TBC1D5: variants seen among roughly 807,000 people sequenced by gnomAD.
TBC1D5 encodes the protein TBC1 domain family member 5.
Under a neutral mutation model 100.3 loss-of-function variants are expected in TBC1D5, and 75 were observed. That is an observed-to-expected ratio of 0.75 (90% CI 0.62 to 0.91). TBC1D5 has a LOEUF of 0.91. Among genes scored for constraint, TBC1D5 ranks in the 40% least tolerant of loss-of-function variants. TBC1D5 has a pLI of 0.00. For synonymous variants in TBC1D5, 323 were observed against 325.6 expected (o/e 0.99, Z 0.09); for missense variants, 910 against 942.4 (o/e 0.97, Z 0.45).
rs558470160 is a variant in TBC1D5 at position 17,449,888 on chromosome 3, A to G, written c.98-21369T>C. Among the ~76,000 whole-genome samples, 32 of 152,298 alleles carry G rather than the reference A, an allele frequency of 2.1e-4. No homozygotes were observed. In the East Asian group the frequency reaches 2.9e-3, roughly 14 times the overall value. ...GCGAATGCTCAAGCTCTGCTAAGGG[A>G]CAGACTGCCTCCTCAAGTGGGTCCC... On this transcript the variant is annotated intron_variant, in intron 3 of 21. Coordinates refer to ENST00000253692, the Ensembl canonical transcript of TBC1D5.
chr3:17,489,235 G>A (rs999593504), intron 3 of TBC1D5, among the ~76,000 whole-genome samples: 3 of 151,978 alleles, frequency 2.0e-5, no homozygotes, highest in Non-Finnish European at 2.9e-5. Flanking sequence ...AAGTCACAAT[G>A]CTATTTTTAA....
intron 15 of TBC1D5, among the ~76,000 whole-genome samples, chr3:17,263,077 A>C (rs1309898171): frequency 4.6e-5 from 7 of 151,902 alleles, no homozygotes; most frequent in African/African-American, 1.7e-4. Flanking sequence ...AAAATAAAAA[A>C]AATTAGCTGG....
intron 13 of TBC1D5, among the ~76,000 whole-genome samples, chr3:17,335,692 G>C (rs961469861): frequency 6.6e-6 from 1 of 152,094 alleles, no homozygotes; most frequent in Non-Finnish European, 1.5e-5. Context: ...GTTTTAAGGA[G>C]TCTATATAGA....
chr3:17,704,589 C>CG (rs2153896297), intron 1 of TBC1D5, among the ~76,000 whole-genome samples: 2 of 79,124 alleles, frequency 2.5e-5, no homozygotes, highest in Admixed American at 1.4e-4. Flanking sequence ...GGGCGGCTGG[C>CG]CGGGCGGGGG....
At chr3:17,699,628 A>G (rs1258666766) in intron 1 of TBC1D5, among the ~76,000 whole-genome samples, 1 of 140,536 alleles carries the variant, frequency 7.1e-6, no homozygotes, top group African/African-American at 2.6e-5. Flanking sequence ...ATTTATTCTC[A>G]ATTATATAAA....
At chr3:17,674,278 G>A (rs767989001) in intron 1 of TBC1D5, among the ~76,000 whole-genome samples, 7 of 152,026 alleles carry the variant, frequency 4.6e-5, no homozygotes, top group Non-Finnish European at 8.8e-5. Flanking sequence ...GTCATCTATT[G>A]CGAAATAGAA....
intron 1 of TBC1D5, among the ~76,000 whole-genome samples, chr3:17,701,671 T>C (rs1002061898): frequency 1.3e-5 from 2 of 151,830 alleles, no homozygotes; most frequent in African/African-American, 4.8e-5. Flanking sequence ...ATGAACAGTA[T>C]CCAAATAAAT....
chr3:17,605,922 G>A (rs1476762426), intron 2 of TBC1D5, among the ~76,000 whole-genome samples: 1 of 152,004 alleles, frequency 6.6e-6, no homozygotes, highest in Non-Finnish European at 1.5e-5. Flanking sequence ...ACTGACTTCT[G>A]TATTATACTC....
At chr3:17,463,797 G>C (rs1260311506) in intron 3 of TBC1D5, among the ~76,000 whole-genome samples, 2 of 152,066 alleles carry the variant, frequency 1.3e-5, no homozygotes, top group Non-Finnish European at 2.9e-5. Context: ...CCCAGCCACT[G>C]ATCTCTGCCC....
intron 1 of TBC1D5, among the ~76,000 whole-genome samples, chr3:17,632,889 T>C (rs1447673079): frequency 6.6e-6 from 1 of 152,220 alleles, no homozygotes. Flanking sequence ...TTTTGATCTT[T>C]GCTTTACTGT....
At chr3:17,739,876 G>A (rs2077264791) in exon 1 of TBC1D5, 1 of 151,928 alleles carries the variant, frequency 6.6e-6, no homozygotes, top group African/African-American at 2.4e-5. Flanking sequence ...ATGGCGGTGG[G>A]CGCCTGTAAT....
At chr3:17,634,077 T>G (rs1431438412) in intron 1 of TBC1D5, among the ~76,000 whole-genome samples, 2 of 152,040 alleles carry the variant, frequency 1.3e-5, no homozygotes, top group East Asian at 3.9e-4. Context: ...CAATAACAAA[T>G]GCTTGTGAGG....
intron 16 of TBC1D5, among the ~76,000 whole-genome samples, chr3:17,239,230 A>G (rs1031121987): frequency 2.0e-5 from 3 of 152,150 alleles, no homozygotes; most frequent in Admixed American, 6.5e-5. Flanking sequence ...TGGTAGCAGC[A>G]TCTACCCATA....
chr3:17,741,698 G>T (rs548987854), upstream of TBC1D5, among the ~76,000 whole-genome samples: 3 of 150,800 alleles, frequency 2.0e-5, no homozygotes, highest in East Asian at 1.9e-4. Flanking sequence ...AACTGGTATC[G>T]AACAAATTCT....
chr3:17,508,278 T>C (rs2095864363), intron 3 of TBC1D5, among the ~76,000 whole-genome samples, 196 bp downstream of exon 3: 1 of 152,244 alleles, frequency 6.6e-6, no homozygotes, highest in African/African-American at 2.4e-5. Flanking sequence ...AATGCTTCCA[T>C]GAATAACTGT....
At chr3:17,205,129 A>G (rs1026950616) in intron 18 of TBC1D5, among the ~76,000 whole-genome samples, 2 of 152,342 alleles carry the variant, frequency 1.3e-5, no homozygotes, top group African/African-American at 4.8e-5. Context: ...ATATCTATTC[A>G]TTTCAATAAA....
chr3:17,471,595 C>T (rs1374905434), intron 3 of TBC1D5, among the ~76,000 whole-genome samples: 2 of 120,644 alleles, frequency 1.7e-5, no homozygotes, highest in Non-Finnish European at 3.1e-5. Context: ...GGCGTGAACC[C>T]GGGAGGCGGA....
At chr3:17,512,392 T>C (rs1015103400) in intron 2 of TBC1D5, among the ~76,000 whole-genome samples, 4 of 152,142 alleles carry the variant, frequency 2.6e-5, no homozygotes, top group African/African-American at 9.6e-5. Flanking sequence ...GACCTCTAAA[T>C]TTGATTCCAA....
Position 17,301,659 on chromosome 3 carries a change from G to A in TBC1D5, c.1138+6333C>T, listed in dbSNP as rs78708968. ...TGTAAAATAGAGTATGACTAATGTA[G>A]CACTTAGTTAGTGGTATTGATGATG... On this transcript the variant is annotated intron_variant, in intron 14 of 21. Transcript: ENST00000253692. 1.3e-3 allele frequency among the ~76,000 whole-genome samples: 198 copies of A among 152,320 alleles called. 1 individual carries two copies. Among genetic ancestry groups the A allele is most frequent in the Admixed American group, 2.2e-3 (33 of 15,296 alleles).
Sources: allele counts gnomAD v4.1 joint callset (sites outside exome capture counted in the v4.1 genomes callset), GRCh38; gene constraint gnomAD v4.1.1; transcripts MANE v1.5; gene names NCBI Gene and HGNC (gene_info 2026-07-23, HGNC 2026-07-21).